The following DMBX1 variants were observed in gnomAD, a reference collection of about 807,000 sequenced individuals.
DMBX1 encodes the protein diencephalon/mesencephalon homeobox 1.
A neutral mutation model predicts 30.4 loss-of-function variants in DMBX1; 7 were observed. The observed-to-expected ratio is 0.23, with a 90% CI of 0.13 to 0.43. The LOEUF is 0.43. Ranked by LOEUF, DMBX1 falls within the 20% of genes least tolerant of loss-of-function variation. The pLI is 1.00. For synonymous variants in DMBX1, 222 were observed against 214.2 expected (o/e 1.04, Z -0.32); for missense variants, 460 against 508.5 (o/e 0.90, Z 0.92).
intron 3 of DMBX1, 93 bp downstream of exon 3, chr1:46,507,257 A>G (rs888869955): frequency 6.7e-7 from 1 of 1,502,348 alleles, no homozygotes; most frequent in African/African-American, 1.4e-5. Flanking sequence ...GCACTGGCCA[A>G]GCTTGTTCTA....
intron 2 of DMBX1, among the ~76,000 whole-genome samples, chr1:46,501,226 C>CTTTCTTTT (rs1666124616): frequency 4.2e-5 from 4 of 95,308 alleles, no homozygotes; most frequent in Admixed American, 1.1e-4. Context: ...TTCTTTCTTT[C>CTTTCTTTT]TTTCTTTCTT....
chr1:46,504,884 A>G (rs1666202291), intron 2 of DMBX1, among the ~76,000 whole-genome samples: 1 of 151,370 alleles, frequency 6.6e-6, no homozygotes, highest in Admixed American at 6.6e-5. Context: ...ATCCTCTTTT[A>G]TTTCCTTGAG....
chr1:46,508,878 C>G (rs960725474), intron 3 of DMBX1, among the ~76,000 whole-genome samples: 1 of 142,788 alleles, frequency 7.0e-6, no homozygotes, highest in Non-Finnish European at 1.5e-5. Flanking sequence ...AGCTGTTGCT[C>G]CTTCCCCAAC....
rs1325128024 is a variant in DMBX1, at chr1:46,510,863, C to G, written c.334-72C>G. The G allele has an allele frequency of 6.8e-7, 1 of 1,460,572 alleles. No homozygotes were observed. Among genetic ancestry groups the G allele is most frequent in the Non-Finnish European group, 9.2e-7 (1 of 1,090,036 alleles). The allele number at this position is 1,460,572 out of a possible 1,614,324, so 90.5% of individuals were successfully genotyped here. On this transcript the variant is annotated intron_variant, in intron 4 of 5. Transcript: ENST00000360032. This position sits in a 1 kb window ranked among gnomAD's most constrained non-coding sequence, Gnocchi z 4.1. Reference sequence around the variant, plus strand: ...GGGATGTTATCACGTACATCCTCTCCCAGAGCACCCTGCTCCACACCAACC... The same window carrying G: ...GGGATGTTATCACGTACATCCTCTCGCAGAGCACCCTGCTCCACACCAACC...
In DMBX1 at chr1:46,512,400, C is replaced by T. The variant is rs1236819839; in HGVS notation, c.1040C>T (p.Ala347Val). ...APPAGLAPAS[A>V]TLNSKTTSIE... ...CCAGCAGGCCTGGCTCCTGCATCAG[C>T]TACCCTGAACAGTAAAACCACAAGC... Residue 347 changes from alanine to valine, a missense_variant, in exon 6 of 6, where the codon GCT becomes GTT. By Grantham distance (64) the Ala-to-Val change is moderately conservative. This residue lies in a region of DMBX1 where 334 missense variants were observed against 345.1 expected (regional missense o/e 0.97). Transcript: ENST00000360032. This position sits in a 1 kb window ranked among gnomAD's most constrained non-coding sequence, Gnocchi z 4.8. 3.1e-6 allele frequency: 5 copies of T among 1,614,030 alleles called. No individual in the cohort carries two copies. Among genetic ancestry groups the T allele is most frequent in the Non-Finnish European group, 3.4e-6 (4 of 1,180,012 alleles).
At chr1:46,506,276 T>A (rs1221707540) in intron 2 of DMBX1, among the ~76,000 whole-genome samples, 1 of 152,242 alleles carries the variant, frequency 6.6e-6, no homozygotes, top group East Asian at 1.9e-4. Context: ...CAGGCTGGTC[T>A]CAAACTCCTG....
intron 3 of DMBX1, among the ~76,000 whole-genome samples, chr1:46,508,652 G>A (rs1666287361): frequency 6.6e-6 from 1 of 152,208 alleles, no homozygotes; most frequent in Non-Finnish European, 1.5e-5. Context: ...CCGCTGGTGG[G>A]GGCAGAGGAA....
Position 46,493,129 on chromosome 1 carries a change from C to T in DMBX1, c.-13+2346C>T, listed in dbSNP as rs750535742. On this transcript the variant is annotated intron_variant, in intron 2 of 5. Coordinates refer to ENST00000360032, the MANE Select transcript of DMBX1 (RefSeq NM_172225.2). This position sits in a 1 kb window ranked among gnomAD's most constrained non-coding sequence, Gnocchi z 4.1. The stretch of plus-strand genomic sequence containing the variant: ...CCCACCCCTTTCTCACAGTCCCGCT[C>T]GGCCGCCCCGCAGTGCCCATGTAAA... Among the ~76,000 whole-genome samples, 2 of 152,140 alleles carry T rather than the reference C, an allele frequency of 1.3e-5. No individual in the cohort carries two copies. The highest frequency in any genetic ancestry group is 2.1e-4 in the South Asian group (1 of 4,812).
intron 2 of DMBX1, among the ~76,000 whole-genome samples, chr1:46,501,008 G>A (rs1666114009): frequency 6.6e-6 from 1 of 152,266 alleles, no homozygotes. Context: ...GGCTTTTGAT[G>A]TAAGGAATAA....
Position 46,510,597 on chromosome 1 carries a change from T to C in DMBX1, c.276T>C (p.Asp92=), listed in dbSNP as rs1666345971. 6.2e-7 allele frequency: 1 copy of C among 1,614,074 alleles called. No homozygotes were observed. The highest frequency in any genetic ancestry group is 8.5e-7 in the Non-Finnish European group (1 of 1,179,994). The change falls in exon 4 of 6, where the codon GAT becomes GAC. Residue 92 remains aspartate (D), a synonymous_variant. Coordinates refer to ENST00000360032, the MANE Select transcript of DMBX1 (RefSeq NM_172225.2). This position sits in a 1 kb window ranked among gnomAD's most constrained non-coding sequence, Gnocchi z 4.1. ...CCTTCCAGAAGACTCACTACCCAGA[T>C]GTGGTGATGCGTGAGAGGCTGGCCA... The part of the protein sequence containing the change: ...EKTFQKTHYP[D]VVMRERLAMC...
In DMBX1 at chr1:46,515,142, C is replaced by T. The variant is rs61783082; in HGVS notation, c.*2648C>T. On this transcript the variant is annotated 3_prime_UTR_variant, in exon 6 of 6. Transcript: ENST00000360032. ...GGCATCAGAGGAGAGACTTAGGCAGCGCTGTGGGAGGTTGGCAGATTCCAG... is the reference window on the plus strand; with the variant it reads ...GGCATCAGAGGAGAGACTTAGGCAGTGCTGTGGGAGGTTGGCAGATTCCAG... Among the ~76,000 whole-genome samples the T allele has an allele frequency of 0.022, 3,341 of 152,188 alleles. 65 individuals carry two copies. The highest frequency in any genetic ancestry group is 0.043 in the South Asian group (205 of 4,820).
At chr1:46,506,532 C>T (rs1452189700) in intron 2 of DMBX1, among the ~76,000 whole-genome samples, 2 of 152,228 alleles carry the variant, frequency 1.3e-5, no homozygotes, top group Admixed American at 1.3e-4. Flanking sequence ...TTGCATAAAG[C>T]AGCAAATGAA....
chr1:46,508,240 C>T (rs891098763), intron 3 of DMBX1, among the ~76,000 whole-genome samples: 2 of 152,156 alleles, frequency 1.3e-5, no homozygotes, highest in Non-Finnish European at 2.9e-5. Flanking sequence ...CATGAGAGGG[C>T]ACAACAGGAG....
Position 46,491,348 on chromosome 1 carries a change from C to T in DMBX1, c.-13+565C>T, listed in dbSNP as rs1557782958. Among the ~76,000 whole-genome samples the T allele has an allele frequency of 6.6e-6, 1 of 152,188 alleles. No homozygotes were observed. The highest frequency in any genetic ancestry group is 1.9e-4 in the East Asian group (1 of 5,202). On this transcript the variant is annotated intron_variant, in intron 2 of 5. Coordinates refer to ENST00000360032, the MANE Select transcript of DMBX1 (RefSeq NM_172225.2). The surrounding 1 kb of genome is among the most constrained non-coding windows in gnomAD (Gnocchi z 5.5). ...CATGCAGTTCACCAAAGCCGAGAAC[C>T]CACCGGGCCTGGAGCGCAGCCTCAG...
At chr1:46,505,040 C>T (rs1258969210) in intron 2 of DMBX1, among the ~76,000 whole-genome samples, 1 of 151,380 alleles carries the variant, frequency 6.6e-6, no homozygotes, top group Non-Finnish European at 1.5e-5. Flanking sequence ...CAAATCAAAA[C>T]CACAATGAGA....
intron 2 of DMBX1, among the ~76,000 whole-genome samples, chr1:46,501,292 T>C (rs1666133556): frequency 6.9e-6 from 1 of 144,638 alleles, no homozygotes; most frequent in Non-Finnish European, 1.5e-5. Context: ...TCTTTCCTTC[T>C]CTCTTTTTTT....
intron 2 of DMBX1, among the ~76,000 whole-genome samples, chr1:46,492,294 C>A (rs144309071): frequency 6.6e-6 from 1 of 152,252 alleles, no homozygotes; most frequent in Non-Finnish European, 1.5e-5. Flanking sequence ...TTCACATGCA[C>A]AACCCCAAGT....
Position 46,511,264 on chromosome 1 carries a change from G to T in DMBX1, c.663G>T (p.Lys221Asn). ...PGADSKGLGC[K>N]RGSPKADSPG... ...CTGACAGCAAGGGGCTGGGCTGCAA[G>T]AGGGGCAGCCCCAAGGCAGGTGAGG... The change falls in exon 5 of 6, where the codon AAG (lysine) becomes AAT (asparagine). Residue 221 changes from lysine (K) to asparagine (N), a missense_variant. Transcript: ENST00000360032. The T allele has an allele frequency of 6.3e-7, 1 of 1,596,932 alleles. No homozygotes were observed. Among genetic ancestry groups the T allele is most frequent in the East Asian group, 2.3e-5 (1 of 43,878 alleles).
chr1:46,501,209 CCTTCCTTTCTTTCTTT>C (rs1437331745), intron 2 of DMBX1, among the ~76,000 whole-genome samples: 44 of 75,874 alleles, frequency 5.8e-4, no homozygotes, highest in Non-Finnish European at 8.5e-4. Context: ...TTCCTTCCTT[CCTTCCTTTCTTTCTTT>C]CTTTCTTTCT....
Sources: allele counts gnomAD v4.1 joint callset (sites outside exome capture counted in the v4.1 genomes callset), GRCh38; gene constraint gnomAD v4.1.1; regional missense constraint gnomAD v4.1.1; non-coding constraint Gnocchi (gnomAD v3.1); transcripts MANE v1.5; gene names NCBI Gene and HGNC (gene_info 2026-07-23, HGNC 2026-07-21).